MAF: variants seen among roughly 807,000 people sequenced by gnomAD.
The protein encoded by MAF is MAF bZIP transcription factor.
Under a neutral mutation model 22.0 loss-of-function variants are expected in MAF, and 10 were observed. The ratio of observed to expected loss-of-function variants is 0.45; its 90% CI spans 0.28 to 0.77. The LOEUF (loss-of-function observed/expected upper bound fraction) is 0.77, where lower values mean the gene tolerates loss of function less well. MAF is among the 30% of genes least tolerant of loss of function. The probability of loss-of-function intolerance (pLI) is 0.12; values close to 1 mark genes in which losing one functional copy is unlikely to be tolerated. For missense variants in MAF, 544 were observed against 548.4 expected (o/e 0.99, Z 0.08); for synonymous variants, 337 against 255.8 (o/e 1.32, Z -3.03).
the MAF span, among the ~76,000 whole-genome samples, chr16:79,579,329 G>C: frequency 6.6e-6 from 1 of 152,186 alleles, no homozygotes; most frequent in Non-Finnish European, 1.5e-5. Context: ...AGTTTCAGAA[G>C]ATGCTTTTTC....
chr16:79,469,886 C>T, the MAF span, among the ~76,000 whole-genome samples: 17 of 152,302 alleles, frequency 1.1e-4, no homozygotes, highest in African/African-American at 1.9e-4. Context: ...TGAGCCACCG[C>T]GCCTGGCCTA....
chr16:79,538,883 G>GA, the MAF span, among the ~76,000 whole-genome samples: 7 of 143,054 alleles, frequency 4.9e-5, no homozygotes, highest in African/African-American at 1.9e-4. Context: ...AAGAAAGAAA[G>GA]AAAGAAAGAA....
At chr16:79,333,976 A>G in the MAF span, among the ~76,000 whole-genome samples, 1 of 152,240 alleles carries the variant, frequency 6.6e-6, no homozygotes, top group African/African-American at 2.4e-5. Context: ...CCTATCTGAG[A>G]GCTTTCTTAG....
chr16:79,482,694 G>A, the MAF span, among the ~76,000 whole-genome samples: 1 of 152,086 alleles, frequency 6.6e-6, no homozygotes, highest in African/African-American at 2.4e-5. Flanking sequence ...GGTGGTGGCT[G>A]CTGGAGGTAA....
the MAF span, among the ~76,000 whole-genome samples, chr16:79,247,820 G>A: frequency 6.6e-6 from 1 of 152,144 alleles, no homozygotes; most frequent in African/African-American, 2.4e-5. Context: ...GGAAGATACT[G>A]TCATAGCACA....
the MAF span, among the ~76,000 whole-genome samples, chr16:79,307,738 A>G: frequency 6.6e-6 from 1 of 152,236 alleles, no homozygotes. Flanking sequence ...TTTTTCTGGA[A>G]TGAAGCCTTC....
the MAF span, among the ~76,000 whole-genome samples, chr16:79,439,203 C>G: frequency 6.6e-6 from 1 of 151,836 alleles, no homozygotes; most frequent in Non-Finnish European, 1.5e-5. Context: ...TGCACTGCAC[C>G]TGCACAAGTC....
the MAF span, among the ~76,000 whole-genome samples, chr16:79,277,471 A>T: frequency 6.6e-6 from 1 of 152,184 alleles, no homozygotes; most frequent in East Asian, 1.9e-4. Context: ...AATATCACCA[A>T]TTTCATATGC....
chr16:79,250,322 T>C, the MAF span, among the ~76,000 whole-genome samples: 1 of 152,246 alleles, frequency 6.6e-6, no homozygotes, highest in African/African-American at 2.4e-5. Flanking sequence ...GTGATTTTCA[T>C]GCCTACGCTT....
At chr16:79,446,267 T>C in the MAF span, among the ~76,000 whole-genome samples, 1 of 152,068 alleles carries the variant, frequency 6.6e-6, no homozygotes, top group African/African-American at 2.4e-5. Flanking sequence ...AAATCTTGGG[T>C]TCTAAGATCA....
the MAF span, among the ~76,000 whole-genome samples, chr16:79,547,903 A>T: frequency 1.0e-3 from 101 of 98,800 alleles, no homozygotes; most frequent in East Asian, 3.2e-3. Context: ...TGTGTGTGTG[A>T]GAGAGAGAGA....
the MAF span, among the ~76,000 whole-genome samples, chr16:79,493,179 G>GT: frequency 1.7e-4 from 25 of 144,696 alleles, no homozygotes; most frequent in South Asian, 1.1e-3. Context: ...TTTTTTGTTT[G>GT]TTTTTTTGTT....
At chr16:79,536,686 T>C in the MAF span, among the ~76,000 whole-genome samples, 3 of 152,156 alleles carry the variant, frequency 2.0e-5, no homozygotes, top group African/African-American at 7.2e-5. Context: ...TTAAAAAGGA[T>C]CATTGTGTCT....
the MAF span, among the ~76,000 whole-genome samples, chr16:79,480,184 C>T: frequency 6.6e-6 from 1 of 152,096 alleles, no homozygotes; most frequent in Admixed American, 6.5e-5. Context: ...GCGTGAGTAT[C>T]CACTCGTTGG....
the MAF span, among the ~76,000 whole-genome samples, chr16:79,465,008 T>C: frequency 2.0e-5 from 3 of 152,154 alleles, no homozygotes; most frequent in Admixed American, 2.0e-4. Flanking sequence ...TAGATGAACT[T>C]CTAGGTGGAT....
At chr16:79,458,276 G>A in the MAF span, among the ~76,000 whole-genome samples, 5 of 151,990 alleles carry the variant, frequency 3.3e-5, no homozygotes, top group East Asian at 1.9e-4. Context: ...TTTCTTCCTC[G>A]TGTCTCATCA....
At chr16:79,211,541 C>T in the MAF span, 60 of 1,604,544 alleles carry the variant, frequency 3.7e-5, no homozygotes, top group Middle Eastern at 2.0e-4. Context: ...CCCAGGCAGT[C>T]GAAATGACGC....
At chr16:79,521,197 C>A in the MAF span, among the ~76,000 whole-genome samples, 1 of 152,170 alleles carries the variant, frequency 6.6e-6, no homozygotes, top group Admixed American at 6.5e-5. Context: ...GAATTCTAAA[C>A]CCAAGCTCCA....
At chr16:79,203,668 C>G in the MAF span, 1 of 152,072 alleles carries the variant, frequency 6.6e-6, no homozygotes, top group African/African-American at 2.4e-5. Context: ...TTCTAAAAGA[C>G]GTAATTTTGC....
Sources: gnomAD v4.1 joint callset for allele counts (sites outside exome capture counted in the v4.1 genomes callset) on GRCh38, gnomAD v4.1.1 for gene constraint, MANE v1.5 for transcripts, NCBI Gene and HGNC (gene_info 2026-07-23, HGNC 2026-07-21) for gene names.